Variants in ERBB4 observed in about 807,000 individuals in gnomAD.
ERBB4 encodes erb-b2 receptor tyrosine kinase 4.
In ERBB4, 42 loss-of-function variants were observed where a neutral mutation model predicts 158.0. The observed-to-expected ratio is 0.27, with a 90% CI of 0.21 to 0.34. ERBB4 has a LOEUF of 0.34. Ranked by LOEUF, ERBB4 falls within the 10% of genes least tolerant of loss-of-function variation. ERBB4 has a pLI of 1.00. For synonymous variants in ERBB4, 583 were observed against 558.7 expected, an observed-to-expected ratio of 1.04 and a Z score of -0.61; for missense variants, 1,333 against 1,624.1, an observed-to-expected ratio of 0.82 and a Z score of 3.08.
chr2:212,359,337 T>G (rs758110687), intron 1 of ERBB4, among the ~76,000 whole-genome samples: 4 of 151,608 alleles, frequency 2.6e-5, no homozygotes, highest in Non-Finnish European at 5.9e-5. Flanking sequence ...AATTTGATGA[T>G]CTGTATTGAG....
intron 1 of ERBB4, among the ~76,000 whole-genome samples, chr2:212,242,217 T>A (rs2084133939): frequency 6.6e-6 from 1 of 151,910 alleles, no homozygotes; most frequent in Non-Finnish European, 1.5e-5. Context: ...ACATTCCTCT[T>A]GTTAAAGAAG....
At chr2:212,494,293 T>A (rs76019431) in intron 1 of ERBB4, among the ~76,000 whole-genome samples, 1 of 152,028 alleles carries the variant, frequency 6.6e-6, no homozygotes, top group Non-Finnish European at 1.5e-5. Context: ...ATCGTAGGTA[T>A]GTTCCACACT....
rs1278188427 is a variant in ERBB4, at chr2:211,773,643, TATATA to T, written c.556+14377_556+14381del. ...ATATATATATATATATATATATATA[TATATA>T]ATATATATACACACACACACACTTC... On this transcript the variant is annotated intron_variant, in intron 4 of 27. Transcript: ENST00000342788. Among the ~76,000 whole-genome samples, 91 of 85,762 alleles carry T rather than the reference TATATA, an allele frequency of 1.1e-3. 4 individuals carry two copies. The highest frequency in any genetic ancestry group is 3.2e-3 in the African/African-American group (69 of 21,422). The allele number at this position is 85,762 out of a possible 152,430, so 56.3% of individuals were successfully genotyped here.
chr2:211,445,962 T>G (rs1467685254), intron 20 of ERBB4, among the ~76,000 whole-genome samples: 1 of 152,052 alleles, frequency 6.6e-6, no homozygotes, highest in African/African-American at 2.4e-5. Flanking sequence ...AGGAGGCAGG[T>G]TTGTAAAGGA....
At chr2:211,691,893 C>G (rs572750402) in intron 12 of ERBB4, among the ~76,000 whole-genome samples, 1 of 152,142 alleles carries the variant, frequency 6.6e-6, no homozygotes, top group East Asian at 1.9e-4. Context: ...TGTGCAGGAC[C>G]TAGTGGCCAT....
At position 211,453,455 on chromosome 2, in the gene ERBB4, T is replaced by C. The variant is rs553985350; in HGVS notation, c.2488-22355A>G. 3.0e-4 allele frequency among the ~76,000 whole-genome samples: 45 copies of C among 152,290 alleles called. No homozygotes were observed. The South Asian group carries it at 8.9e-3, about 30-fold the overall frequency. On this transcript the variant is annotated intron_variant, in intron 20 of 27. Transcript: ENST00000342788. ...TTTTGATGTTCCTCTTTTTATACTG[T>C]AGTACTATTTAATATCTTCACTAAT...
At chr2:212,456,122 C>T (rs1005995480) in intron 1 of ERBB4, among the ~76,000 whole-genome samples, 3 of 152,042 alleles carry the variant, frequency 2.0e-5, no homozygotes, top group Non-Finnish European at 4.4e-5. Context: ...TACACACTTC[C>T]TCTAGAGCAT....
intron 1 of ERBB4, among the ~76,000 whole-genome samples, chr2:212,330,968 T>G (rs952724671): frequency 1.7e-4 from 25 of 149,946 alleles, no homozygotes; most frequent in Non-Finnish European, 3.3e-4. Flanking sequence ...ATATGCAATA[T>G]TTGCAACCAG....
chr2:211,707,495 T>G (rs1429599458), intron 9 of ERBB4, among the ~76,000 whole-genome samples: 3 of 152,166 alleles, frequency 2.0e-5, no homozygotes, highest in African/African-American at 7.2e-5. Flanking sequence ...AATCACTTTA[T>G]TTTATCATCG....
chr2:212,367,716 A>T (rs1317367773), intron 1 of ERBB4, among the ~76,000 whole-genome samples: 1 of 152,110 alleles, frequency 6.6e-6, no homozygotes, highest in Non-Finnish European at 1.5e-5. Flanking sequence ...CCCAGAATCT[A>T]CAACGAATTC....
At chr2:212,092,290 C>T (rs555997590) in intron 2 of ERBB4, among the ~76,000 whole-genome samples, 5 of 152,170 alleles carry the variant, frequency 3.3e-5, no homozygotes, top group Non-Finnish European at 5.9e-5. Flanking sequence ...ATTTACACAT[C>T]AGATATTACA....
chr2:211,867,700 C>G (rs1265401051), intron 3 of ERBB4, among the ~76,000 whole-genome samples: 4 of 152,086 alleles, frequency 2.6e-5, no homozygotes, highest in Admixed American at 2.0e-4. Flanking sequence ...GTAGCTGAGA[C>G]TATAGGTGTG....
chr2:212,053,772 C>G (rs925293099), intron 2 of ERBB4, among the ~76,000 whole-genome samples: 8 of 152,148 alleles, frequency 5.3e-5, no homozygotes, highest in African/African-American at 9.7e-5. Flanking sequence ...CTGGAAGACT[C>G]TGGTATCTTC....
chr2:211,541,356 G>A (rs2066804112), intron 20 of ERBB4, among the ~76,000 whole-genome samples: 1 of 151,852 alleles, frequency 6.6e-6, no homozygotes. Context: ...TCCTACTCAG[G>A]TTTTAAAGTC....
chr2:212,454,802 C>T (rs533461757), intron 1 of ERBB4, among the ~76,000 whole-genome samples: 1 of 152,180 alleles, frequency 6.6e-6, no homozygotes, highest in Admixed American at 6.5e-5. Flanking sequence ...AGGTCTGTTT[C>T]CACATCAACA....
chr2:211,383,819 G>C lies in ERBB4; in HGVS notation c.3723C>G (p.Asp1241Glu), dbSNP rs1212716350. The change falls in exon 28 of 28, where the codon GAC becomes GAG. Residue 1241 changes from aspartate to glutamate, a missense_variant. Physicochemically the swap from Asp to Glu is conservative, Grantham distance 45. Around this residue, in one of 5 missense-constraint regions of ERBB4, gnomAD observed 84 missense variants for 110.8 expected, o/e 0.76. Coordinates refer to ENST00000342788, the MANE Select transcript of ERBB4 (RefSeq NM_005235.3). Reference protein sequence around the residue: ...EKAKKAFDNPDYWNHSLPPRS... With the variant: ...EKAKKAFDNPEYWNHSLPPRS... ...GAGGTGGCAGGCTGTGGTTCCAGTA[G>C]TCAGGGTTGTCAAACGCTTTCTTGG... 1.2e-6 allele frequency: 2 copies of C among 1,614,162 alleles called. No homozygotes were observed. The highest frequency in any genetic ancestry group is 2.2e-5 in the East Asian group (1 of 44,874).
chr2:211,431,121 T>C (rs762174894), intron 20 of ERBB4, 21 bp from the exon 21 acceptor site: 3 of 1,608,908 alleles, frequency 1.9e-6, no homozygotes, highest in East Asian at 2.2e-5. Flanking sequence ...TCAAGTTCCT[T>C]AATGATATTC....
intron 1 of ERBB4, among the ~76,000 whole-genome samples, chr2:212,178,307 A>T (rs2081742573): frequency 6.6e-6 from 1 of 151,754 alleles, no homozygotes; most frequent in African/African-American, 2.4e-5. Flanking sequence ...ATTTTGGAAA[A>T]GCAATTAAGA....
chr2:211,562,223 CATA>C, intron 19 of ERBB4, 135 bp from the exon 20 acceptor site: 1 of 741,688 alleles, frequency 1.3e-6, no homozygotes, highest in South Asian at 1.6e-5. Context: ...AATGAAAAGA[CATA>C]ATTTCAGTTA....
Sources: gnomAD v4.1 joint callset for allele counts (sites outside exome capture counted in the v4.1 genomes callset) on GRCh38, gnomAD v4.1.1 for gene constraint, gnomAD v4.1.1 regional missense constraint, MANE v1.5 for transcripts, NCBI Gene and HGNC (gene_info 2026-07-23, HGNC 2026-07-21) for gene names.